MAN1C1: variants seen among roughly 807,000 people sequenced by gnomAD.
MAN1C1 encodes the protein mannosyl-oligosaccharide 1,2-alpha-mannosidase IC.
In MAN1C1, 49 loss-of-function variants were observed where a neutral mutation model predicts 71.5. The observed-to-expected ratio is 0.69, with a 90% CI of 0.54 to 0.87. The LOEUF (loss-of-function observed/expected upper bound fraction) is 0.87, where lower values mean the gene tolerates loss of function less well. Among genes scored for constraint, MAN1C1 ranks in the 40% least tolerant of loss-of-function variants. MAN1C1 has a pLI of 0.00. For missense variants in MAN1C1, 743 were observed against 835.0 expected, an observed-to-expected ratio of 0.89 and a Z score of 1.36; for synonymous variants, 352 against 343.7, an observed-to-expected ratio of 1.02 and a Z score of -0.27.
Position 25,631,121 on chromosome 1 carries a change from C to G in MAN1C1, c.540+12784C>G, listed in dbSNP as rs768217923. Among the ~76,000 whole-genome samples the G allele has an allele frequency of 5.9e-5, 9 of 152,100 alleles. No homozygotes were observed. Among genetic ancestry groups the G allele is most frequent in the Non-Finnish European group, 1.3e-4 (9 of 68,042 alleles). Reference sequence around the variant, plus strand: ...CTGGGATTACAGGCATGTACCACCACGCCTGGTTAATTTTTTTTGTATTTT... The same window carrying G: ...CTGGGATTACAGGCATGTACCACCAGGCCTGGTTAATTTTTTTTGTATTTT... On this transcript the variant is annotated intron_variant, in intron 1 of 11. Transcript: ENST00000374332. This position sits in a 1 kb window ranked among gnomAD's most constrained non-coding sequence, Gnocchi z 4.2.
At position 25,763,898 on chromosome 1, in the gene MAN1C1, A is replaced by G. The variant is rs2047394214; in HGVS notation, c.1072A>G (p.Arg358Gly). 1 of 1,613,796 alleles carries G rather than the reference A, an allele frequency of 6.2e-7. No individual in the cohort carries two copies. Among genetic ancestry groups the G allele is most frequent in the African/African-American group, 1.3e-5 (1 of 74,916 alleles). ...EKVRNIRKVLRKIEKPFGLYP... is the reference protein window; with the variant it reads ...EKVRNIRKVLGKIEKPFGLYP... The stretch of plus-strand genomic sequence containing the variant: ...GGTCAGGAACATCCGCAAGGTCCTC[A>G]GGAAGATCGAAAAGCCCTTTGGCCT... The change falls in exon 7 of 12, where the codon AGG (arginine) becomes GGG (glycine). Residue 358 changes from arginine to glycine, a missense_variant. Physicochemically the swap from Arg to Gly is moderately radical, Grantham distance 125 (BLOSUM62 -2). Coordinates refer to ENST00000374332, the MANE Select transcript of MAN1C1 (RefSeq NM_020379.4).
intron 2 of MAN1C1, among the ~76,000 whole-genome samples, chr1:25,713,419 C>G (rs1033972493): frequency 1.3e-5 from 2 of 152,198 alleles, no homozygotes; most frequent in African/African-American, 4.8e-5. Context: ...AAAATTCATA[C>G]GCAGGTTTTG....
In MAN1C1 at chr1:25,776,206, A is replaced by G. The variant is rs550235392; in HGVS notation, c.1258-1899A>G. On this transcript the variant is annotated intron_variant, in intron 8 of 11. Coordinates refer to ENST00000374332, the MANE Select transcript of MAN1C1 (RefSeq NM_020379.4). This position sits in a 1 kb window ranked among gnomAD's most constrained non-coding sequence, Gnocchi z 4.3. ...CCAGCCCCTCCCCGCATACCCCTGC[A>G]TTTTTTAATCTCATCCTCTCACTTT... is the stretch of plus-strand genomic sequence containing the variant. Among the ~76,000 whole-genome samples, 1 of 151,948 alleles carries G rather than the reference A, an allele frequency of 6.6e-6. No individual in the cohort carries two copies. Among genetic ancestry groups the G allele is most frequent in the South Asian group, 2.1e-4 (1 of 4,754 alleles).
rs912027695 is a variant in MAN1C1 at position 25,618,270 on chromosome 1, G to A, written c.473G>A (p.Gly158Glu). The change falls in exon 1 of 12, where the codon GGA becomes GAA. Residue 158 changes from glycine to glutamate, a missense_variant. Gly to Glu is a moderately conservative substitution (Grantham distance 98, BLOSUM62 -2). Coordinates refer to ENST00000374332, the MANE Select transcript of MAN1C1 (RefSeq NM_020379.4). ...AGCCGTCTCCGCCACCCGGTCCTGG[G>A]AACGAGGGCCGATGAGAGTCAGGAG... ...FRSRLRHPVL[G>E]TRADESQEPQ... 1.2e-6 allele frequency: 2 copies of A among 1,604,362 alleles called. No homozygotes were observed. The highest frequency in any genetic ancestry group is 1.7e-6 in the Non-Finnish European group (2 of 1,177,192).
At chr1:25,759,004 A>G (rs547831412) in intron 6 of MAN1C1, 97 of 328,732 alleles carry the variant, frequency 3.0e-4, no homozygotes, top group Non-Finnish European at 4.9e-4. Context: ...GCAACCACCC[A>G]TATGTGAAAT....
intron 1 of MAN1C1, among the ~76,000 whole-genome samples, chr1:25,625,274 G>A (rs767306572): frequency 1.3e-5 from 2 of 151,976 alleles, no homozygotes; most frequent in Middle Eastern, 3.2e-3. Context: ...CAAAGTGCTG[G>A]GATTACAGGT....
chr1:25,740,856 G>C (rs2047053932), intron 2 of MAN1C1, among the ~76,000 whole-genome samples: 1 of 152,150 alleles, frequency 6.6e-6, no homozygotes, highest in Non-Finnish European at 1.5e-5. Context: ...TGGAATAAAT[G>C]CAAGAGAGAG....
rs1051477524 is a variant in MAN1C1, at chr1:25,725,518, G to A, written c.638-21150G>A. 1.3e-5 allele frequency among the ~76,000 whole-genome samples: 2 copies of A among 152,186 alleles called. No individual in the cohort carries two copies. The highest frequency in any genetic ancestry group is 4.8e-5 in the African/African-American group (2 of 41,454). On this transcript the variant is annotated intron_variant, in intron 2 of 11. Coordinates refer to ENST00000374332, the MANE Select transcript of MAN1C1 (RefSeq NM_020379.4). The surrounding 1 kb of genome is among the most constrained non-coding windows in gnomAD (Gnocchi z 4.8). ...TCTCCCAGGTGAGGAGGGCATTCTA[G>A]GTAAAGGGCACAGCACGTGCAAGGG...
intron 6 of MAN1C1, among the ~76,000 whole-genome samples, chr1:25,762,992 GCA>G (rs1191010089): frequency 6.6e-6 from 1 of 151,932 alleles, no homozygotes; most frequent in East Asian, 1.9e-4. Context: ...CCTAGGCCAG[GCA>G]CAGTGACTCA....
rs537001461 is a variant in MAN1C1 at position 25,622,984 on chromosome 1, G to A, written c.540+4647G>A. ...GAGATGTTCAGGATAATTAATATTA[G>A]GAACAGCTCAGATTTAAATAGCTTT... On this transcript the variant is annotated intron_variant, in intron 1 of 11. Transcript: ENST00000374332. Among the ~76,000 whole-genome samples the A allele has an allele frequency of 1.3e-3, 199 of 152,280 alleles. 2 individuals carry two copies. The highest frequency in any genetic ancestry group is 4.7e-3 in the African/African-American group (197 of 41,560).
chr1:25,684,031 G>A lies in MAN1C1; in HGVS notation c.541-2409G>A, dbSNP rs138779701. On this transcript the variant is annotated intron_variant, in intron 1 of 11. Transcript: ENST00000374332. ...GCAGTGACAGCTTCTTTGAGACCAC[G>A]TAGATACCTATGATTCTCGTAGTTA... is the stretch of plus-strand genomic sequence containing the variant. Among the ~76,000 whole-genome samples, 306 of 152,242 alleles carry A rather than the reference G, an allele frequency of 2.0e-3. 1 individual carries two copies. Among genetic ancestry groups the A allele is most frequent in the African/African-American group, 6.9e-3 (287 of 41,524 alleles).
chr1:25,729,322 A>G (rs1362046863), intron 2 of MAN1C1, among the ~76,000 whole-genome samples: 3 of 152,098 alleles, frequency 2.0e-5, no homozygotes, highest in Admixed American at 6.5e-5. Flanking sequence ...TTCCCGATCC[A>G]TCACAGGTCC....
At chr1:25,751,100 CTTCCTTCCATCCATCT>C (rs1039071997) in intron 4 of MAN1C1, among the ~76,000 whole-genome samples, 11 of 149,096 alleles carry the variant, frequency 7.4e-5, no homozygotes, top group African/African-American at 2.7e-4. Flanking sequence ...TCTTTCCTTC[CTTCCTTCCATCCATCT>C]TTCCTTCCAT....
At chr1:25,718,399 G>C (rs1006046336) in intron 2 of MAN1C1, among the ~76,000 whole-genome samples, 1 of 152,056 alleles carries the variant, frequency 6.6e-6, no homozygotes, top group Non-Finnish European at 1.5e-5. Context: ...CTGTCCCTGG[G>C]ATATTTTTAC....
intron 2 of MAN1C1, among the ~76,000 whole-genome samples, chr1:25,742,613 C>A (rs1392166952): frequency 6.6e-6 from 1 of 152,222 alleles, no homozygotes; most frequent in Non-Finnish European, 1.5e-5. Flanking sequence ...ACTATCATGC[C>A]AGCCCTTGTC....
chr1:25,690,999 G>A (rs1334926252), intron 2 of MAN1C1, among the ~76,000 whole-genome samples: 1 of 152,120 alleles, frequency 6.6e-6, no homozygotes, highest in Non-Finnish European at 1.5e-5. Context: ...AGGCTTTGGG[G>A]GAATATTAAA....
chr1:25,656,975 G>A (rs887787280), intron 1 of MAN1C1, among the ~76,000 whole-genome samples: 2 of 152,062 alleles, frequency 1.3e-5, no homozygotes, highest in African/African-American at 4.8e-5. Context: ...ACAGGCACCC[G>A]CCACCATGTC....
rs1007537035 is a variant in MAN1C1 at position 25,631,748 on chromosome 1, G to A, written c.540+13411G>A. Among the ~76,000 whole-genome samples the A allele has an allele frequency of 1.3e-5, 2 of 152,146 alleles. No individual in the cohort carries two copies. The highest frequency in any genetic ancestry group is 1.5e-5 in the Non-Finnish European group (1 of 68,022). On this transcript the variant is annotated intron_variant, in intron 1 of 11. Coordinates refer to ENST00000374332, the MANE Select transcript of MAN1C1 (RefSeq NM_020379.4). The surrounding 1 kb of genome is among the most constrained non-coding windows in gnomAD (Gnocchi z 4.2). ...CCTTTCCTGGTTTTGTTATGAAAGT[G>A]ATACTGGCTTCGTAGAATGATTTAG...
intron 1 of MAN1C1, among the ~76,000 whole-genome samples, chr1:25,684,041 A>G (rs529338837): frequency 2.5e-4 from 38 of 152,224 alleles, no homozygotes; most frequent in Admixed American, 3.9e-4. Flanking sequence ...GTAGATACCT[A>G]TGATTCTCGT....
Sources: gnomAD v4.1 joint callset for allele counts (sites outside exome capture counted in the v4.1 genomes callset) on GRCh38, gnomAD v4.1.1 for gene constraint, Gnocchi (gnomAD v3.1) non-coding constraint, MANE v1.5 for transcripts, NCBI Gene and HGNC (gene_info 2026-07-23, HGNC 2026-07-21) for gene names.